Variants in SAMD4A observed in about 807,000 individuals in gnomAD.
The protein encoded by SAMD4A is sterile alpha motif domain containing 4A, also known as protein Smaug homolog 1.
A neutral mutation model predicts 81.3 loss-of-function variants in SAMD4A; 33 were observed. The observed-to-expected ratio is 0.41, with a 90% CI of 0.31 to 0.54. The LOEUF is 0.54. SAMD4A is among the 20% of genes least tolerant of loss of function. The pLI is 0.37. For synonymous variants in SAMD4A, 389 were observed against 382.1 expected (o/e 1.02, Z -0.21); for missense variants, 854 against 951.1 (o/e 0.90, Z 1.34).
intron 7 of SAMD4A, among the ~76,000 whole-genome samples, chr14:54,761,012 C>T (rs1194709523): frequency 2.0e-5 from 3 of 152,100 alleles, no homozygotes; most frequent in Admixed American, 1.3e-4. Flanking sequence ...CAGATGTGGC[C>T]ATGGTTTGGA....
chr14:54,680,858 C>T (rs763207813), intron 2 of SAMD4A, among the ~76,000 whole-genome samples: 6 of 152,268 alleles, frequency 3.9e-5, no homozygotes, highest in East Asian at 3.9e-4. Flanking sequence ...TCCCCTCACT[C>T]GACACACCCG....
At chr14:54,690,071 G>T (rs1280278910) in intron 2 of SAMD4A, 1 of 152,232 alleles carries the variant, frequency 6.6e-6, no homozygotes. Context: ...GGTCTAGCAA[G>T]GCTGTGTGAT....
At chr14:54,631,256 C>T (rs1215012407) in intron 2 of SAMD4A, among the ~76,000 whole-genome samples, 1 of 152,134 alleles carries the variant, frequency 6.6e-6, no homozygotes, top group Non-Finnish European at 1.5e-5. Flanking sequence ...CCCTGCTTTA[C>T]TCAGGCCACT....
Position 54,749,799 on chromosome 14 carries a change from G to A in SAMD4A, c.1089+875G>A, listed in dbSNP as rs540839728. On this transcript the variant is annotated intron_variant, in intron 5 of 12. Coordinates refer to ENST00000554335, the MANE Select transcript of SAMD4A (RefSeq NM_015589.6). ...CTTTCAGCAATGATTTAAAAGAATC[G>A]ATGGTCTGAATAGGCTAAGAATATT... Among the ~76,000 whole-genome samples the A allele has an allele frequency of 7.6e-4, 116 of 152,320 alleles. 1 individual carries two copies. Among genetic ancestry groups the A allele is most frequent in the Non-Finnish European group, 1.0e-3 (68 of 68,034 alleles).
chr14:54,646,444 C>T (rs1195642884), intron 2 of SAMD4A, among the ~76,000 whole-genome samples: 2 of 152,200 alleles, frequency 1.3e-5, no homozygotes, highest in Non-Finnish European at 2.9e-5. Flanking sequence ...GTTTGTGATG[C>T]AGTAGATTGG....
chr14:54,612,648 G>T (rs1216766648), intron 2 of SAMD4A, among the ~76,000 whole-genome samples: 4 of 152,242 alleles, frequency 2.6e-5, no homozygotes, highest in African/African-American at 9.6e-5. Flanking sequence ...AGAAAAATTT[G>T]TACAAGAAGA....
intron 2 of SAMD4A, among the ~76,000 whole-genome samples, chr14:54,657,992 G>C (rs972982289): frequency 5.3e-5 from 8 of 152,158 alleles, no homozygotes; most frequent in Non-Finnish European, 1.0e-4. Flanking sequence ...TGAACTCCAC[G>C]AAGTAGATGT....
intron 12 of SAMD4A, among the ~76,000 whole-genome samples, chr14:54,788,096 C>T (rs996465166): frequency 6.6e-6 from 1 of 152,208 alleles, no homozygotes; most frequent in Non-Finnish European, 1.5e-5. Flanking sequence ...CTCCCACCTC[C>T]CCAAGACTGT....
intron 2 of SAMD4A, among the ~76,000 whole-genome samples, chr14:54,663,973 G>A (rs763149935): frequency 8.5e-5 from 13 of 152,190 alleles, no homozygotes; most frequent in Non-Finnish European, 1.3e-4. Context: ...GCTAAGTAAC[G>A]TTTAAACAAA....
intron 11 of SAMD4A, among the ~76,000 whole-genome samples, chr14:54,779,129 C>T (rs1230470343): frequency 1.3e-5 from 2 of 151,796 alleles, no homozygotes; most frequent in African/African-American, 4.9e-5. Flanking sequence ...GGATTCAGAG[C>T]CTCTTCTGCA....
chr14:54,734,969 A>G (rs549607333), intron 3 of SAMD4A: 1 of 152,208 alleles, frequency 6.6e-6, no homozygotes, highest in South Asian at 2.1e-4. Flanking sequence ...ATACAGAGGA[A>G]CCCCCACTTC....
chr14:54,737,830 G>A (rs1455340537), intron 4 of SAMD4A, among the ~76,000 whole-genome samples: 1 of 151,722 alleles, frequency 6.6e-6, no homozygotes, highest in Admixed American at 6.6e-5. Flanking sequence ...TCTATTTAAG[G>A]GACATGAAAA....
chr14:54,729,225 ACT>A (rs139044370), intron 3 of SAMD4A, among the ~76,000 whole-genome samples: 489 of 150,514 alleles, frequency 3.2e-3, no homozygotes, highest in African/African-American at 0.011. Context: ...TGGTTCCCAC[ACT>A]CAGTAGCAGT....
intron 3 of SAMD4A, among the ~76,000 whole-genome samples, chr14:54,719,053 A>G (rs2037195184): frequency 6.6e-6 from 1 of 152,006 alleles, no homozygotes; most frequent in Non-Finnish European, 1.5e-5. Flanking sequence ...AGAAGGGTTC[A>G]AAGGAACGCC....
At chr14:54,640,215 C>G (rs951999912) in intron 2 of SAMD4A, among the ~76,000 whole-genome samples, 1 of 152,106 alleles carries the variant, frequency 6.6e-6, no homozygotes, top group Non-Finnish European at 1.5e-5. Context: ...CATCTCCCAG[C>G]GCCCTCGTGT....
chr14:54,779,033 C>G (rs2038932884), intron 11 of SAMD4A, among the ~76,000 whole-genome samples: 1 of 152,218 alleles, frequency 6.6e-6, no homozygotes, highest in Non-Finnish European at 1.5e-5. Flanking sequence ...CACCTCTGAC[C>G]TCCAAGCAGG....
Position 54,755,935 on chromosome 14 carries a change from ACACT to A in SAMD4A, c.1177-4223_1177-4220del, listed in dbSNP as rs79129154. ...GCATGGAGGAAGGAAATATACACAC[ACACT>A]CATGCATTCACCTCACTTCCATTTA... is the stretch of plus-strand genomic sequence containing the variant. On this transcript the variant is annotated intron_variant, in intron 6 of 12. Coordinates refer to ENST00000554335, the MANE Select transcript of SAMD4A (RefSeq NM_015589.6). 3.8e-3 allele frequency among the ~76,000 whole-genome samples: 571 copies of A among 152,244 alleles called. 22 individuals carry two copies. The East Asian group carries it at 0.088, about 24-fold the overall frequency.
intron 4 of SAMD4A, among the ~76,000 whole-genome samples, chr14:54,742,341 T>TG (rs535985657): frequency 2.7e-3 from 411 of 150,832 alleles, no homozygotes; most frequent in Middle Eastern, 3.4e-3. Flanking sequence ...AGAAATAGAA[T>TG]GGGGGGGGCA....
chr14:54,605,778 G>A (rs1418087804), intron 2 of SAMD4A, among the ~76,000 whole-genome samples: 1 of 151,234 alleles, frequency 6.6e-6, no homozygotes, highest in African/African-American at 2.4e-5. Flanking sequence ...TAAAACATTG[G>A]GGCATTAAAC....
Sources: gnomAD v4.1 joint callset for allele counts (sites outside exome capture counted in the v4.1 genomes callset) on GRCh38, gnomAD v4.1.1 for gene constraint, MANE v1.5 for transcripts, NCBI Gene and HGNC (gene_info 2026-07-23, HGNC 2026-07-21) for gene names.